The following MCC variants were observed in gnomAD, a reference collection of about 807,000 sequenced individuals.
MCC encodes the protein colorectal mutant cancer protein.
MCC carries 90 observed loss-of-function variants against 116.2 expected under a neutral mutation model. That is an observed-to-expected ratio of 0.77 (90% CI 0.65 to 0.92). The LOEUF is 0.92. MCC is among the 40% of genes least tolerant of loss of function. MCC has a pLI of 0.00. For synonymous variants in MCC, 578 were observed against 510.5 expected (o/e 1.13, Z -1.78); for missense variants, 1,516 against 1,312.2 (o/e 1.16, Z -2.40).
intron 1 of MCC, among the ~76,000 whole-genome samples, chr5:113,465,025 A>G (rs1319865865): frequency 2.6e-5 from 4 of 152,078 alleles, no homozygotes; most frequent in Admixed American, 2.6e-4. Context: ...AACGTATCCT[A>G]TTTCCAATTA....
At chr5:113,440,533 A>G (rs1048404549) in intron 1 of MCC, among the ~76,000 whole-genome samples, 3 of 152,132 alleles carry the variant, frequency 2.0e-5, no homozygotes, top group African/African-American at 4.8e-5. Flanking sequence ...CTCTATAGGT[A>G]CTCAATAGAT....
Position 113,472,030 on chromosome 5 carries a change from G to A in MCC, c.170+16215C>T, listed in dbSNP as rs527574813. On this transcript the variant is annotated intron_variant, in intron 1 of 18. Coordinates refer to ENST00000408903, the MANE Select transcript of MCC (RefSeq NM_001085377.2). ...GTTGGAAAAGTGCAGTATTAGGGTC[G>A]GAGTGACCCGATTTTCCAGGTGCCG... Among the ~76,000 whole-genome samples, 10 of 152,204 alleles carry A rather than the reference G, an allele frequency of 6.6e-5. No homozygotes were observed. The South Asian group carries it at 1.0e-3, about 16-fold the overall frequency.
chr5:113,256,812 C>T (rs1765022670), intron 3 of MCC, among the ~76,000 whole-genome samples: 1 of 152,162 alleles, frequency 6.6e-6, no homozygotes, highest in South Asian at 2.1e-4. Context: ...GCCTTCAAAC[C>T]TGGGTTAATG....
rs1387596686 is a variant in MCC, at chr5:113,022,314, A to G, written c.*4988T>C. On this transcript the variant is annotated 3_prime_UTR_variant, in exon 19 of 19. Coordinates refer to ENST00000408903, the MANE Select transcript of MCC (RefSeq NM_001085377.2). ...AATTACAAGGTATAGTACAGTGTTA[A>G]GTAGCAATTTTAAAATGAGACTTTC... 6.5e-6 allele frequency: 1 copy of G among 152,688 alleles called. No homozygotes were observed. Among genetic ancestry groups the G allele is most frequent in the African/African-American group, 2.4e-5 (1 of 41,474 alleles). 9.5% of individuals were successfully genotyped at this position (152,688 alleles called of 1,614,324 possible).
chr5:113,029,512 T>A (rs1043500975), intron 17 of MCC, among the ~76,000 whole-genome samples: 5 of 151,950 alleles, frequency 3.3e-5, no homozygotes, highest in Admixed American at 6.6e-5. Flanking sequence ...ACCAACATGA[T>A]CCCACCTTGC....
intron 17 of MCC, among the ~76,000 whole-genome samples, chr5:113,031,419 C>A (rs969910478): frequency 1.3e-5 from 2 of 152,060 alleles, no homozygotes; most frequent in Non-Finnish European, 2.9e-5. Context: ...CACCCGCCCC[C>A]CAACACCTCC....
intron 3 of MCC, among the ~76,000 whole-genome samples, chr5:113,212,852 A>G (rs1211510793): frequency 6.6e-6 from 1 of 152,208 alleles, no homozygotes; most frequent in Non-Finnish European, 1.5e-5. Context: ...CGAAAAACAG[A>G]CAAAAACAAA....
intron 1 of MCC, chr5:113,433,173 G>A (rs995272879): frequency 2.9e-5 from 5 of 174,030 alleles, no homozygotes; most frequent in South Asian, 1.3e-4. Context: ...AGCTGGAGTC[G>A]GAGCCCCCGA....
chr5:113,368,551 T>C (rs1768757521), intron 2 of MCC, among the ~76,000 whole-genome samples: 1 of 152,222 alleles, frequency 6.6e-6, no homozygotes, highest in Admixed American at 6.5e-5. Flanking sequence ...CTGGAAGATA[T>C]TCTAATCTTT....
chr5:113,099,466 T>A (rs11960706), intron 8 of MCC, among the ~76,000 whole-genome samples: 1 of 151,994 alleles, frequency 6.6e-6, no homozygotes, highest in African/African-American at 2.4e-5. Flanking sequence ...GGTAACTATA[T>A]ATTTTACTCC....
At chr5:113,383,579 G>A (rs1769176999) in intron 2 of MCC, among the ~76,000 whole-genome samples, 1 of 151,928 alleles carries the variant, frequency 6.6e-6, no homozygotes, top group Admixed American at 6.6e-5. Flanking sequence ...TCAAACGTAG[G>A]CAGTAGTTAT....
intron 3 of MCC, among the ~76,000 whole-genome samples, chr5:113,246,580 T>C (rs1364601240): frequency 6.6e-6 from 1 of 152,222 alleles, no homozygotes; most frequent in Non-Finnish European, 1.5e-5. Context: ...CAGCGAATCC[T>C]ATTTTGGATA....
chr5:113,313,597 T>C (rs537485742), intron 3 of MCC, among the ~76,000 whole-genome samples: 1 of 152,322 alleles, frequency 6.6e-6, no homozygotes, highest in Admixed American at 6.5e-5. Flanking sequence ...CATCTCCTAA[T>C]GCAGGAGTCA....
intron 14 of MCC, among the ~76,000 whole-genome samples, chr5:113,057,299 G>A (rs1752899596): frequency 6.6e-6 from 1 of 152,126 alleles, no homozygotes; most frequent in African/African-American, 2.4e-5. Flanking sequence ...CTGCTTTATT[G>A]TTACAACAGG....
intron 3 of MCC, among the ~76,000 whole-genome samples, chr5:113,270,979 A>G (rs900614359): frequency 2.0e-5 from 3 of 152,176 alleles, no homozygotes; most frequent in African/African-American, 7.2e-5. Flanking sequence ...ACATTTTGCT[A>G]AGACAAGGAT....
intron 3 of MCC, among the ~76,000 whole-genome samples, chr5:113,315,171 A>T (rs1243825823): frequency 6.6e-6 from 1 of 152,208 alleles, no homozygotes; most frequent in African/African-American, 2.4e-5. Flanking sequence ...GGTAAAGATG[A>T]GAAGATGTTA....
chr5:113,147,080 A>G (rs1561401516), intron 4 of MCC, among the ~76,000 whole-genome samples: 1 of 152,246 alleles, frequency 6.6e-6, no homozygotes, highest in Non-Finnish European at 1.5e-5. Flanking sequence ...ATCTGGTGCT[A>G]AATACATACC....
intron 8 of MCC, among the ~76,000 whole-genome samples, chr5:113,093,743 G>A (rs1196568582): frequency 6.6e-6 from 1 of 152,110 alleles, no homozygotes. Flanking sequence ...AGCTGATGAA[G>A]TCATCTGTGA....
rs1444399848 is a variant in MCC at position 113,113,860 on chromosome 5, G to C, written c.1027+8824C>G. 2.6e-5 allele frequency among the ~76,000 whole-genome samples: 4 copies of C among 152,158 alleles called. 1 individual carries two copies. The East Asian group carries it at 7.7e-4, about 29-fold the overall frequency. ...GACATGAAAACTAAATATAATGTGT[G>C]AGCCTTGACTGGATCTGGGACTAAA... On this transcript the variant is annotated intron_variant, in intron 6 of 18. Transcript: ENST00000408903.
Sources: gnomAD v4.1 joint callset for allele counts (sites outside exome capture counted in the v4.1 genomes callset) on GRCh38, gnomAD v4.1.1 for gene constraint, MANE v1.5 for transcripts, NCBI Gene and HGNC (gene_info 2026-07-23, HGNC 2026-07-21) for gene names.